SLC4A10: variants seen among roughly 807,000 people sequenced by gnomAD.
SLC4A10 encodes sodium-driven chloride bicarbonate exchanger.
In SLC4A10, 42 loss-of-function variants were observed where a neutral mutation model predicts 137.7. That is an observed-to-expected ratio of 0.30 (90% confidence interval 0.24 to 0.39). SLC4A10 has a LOEUF of 0.39. Ranked by LOEUF, SLC4A10 falls within the 10% of genes least tolerant of loss-of-function variation. The probability of loss-of-function intolerance (pLI) is 1.00; values close to 1 mark genes in which losing one functional copy is unlikely to be tolerated. For synonymous variants in SLC4A10, 474 were observed against 464.1 expected, an observed-to-expected ratio of 1.02 and a Z score of -0.27; for missense variants, 925 against 1,355.0, an observed-to-expected ratio of 0.68 and a Z score of 4.98.
intron 1 of SLC4A10, among the ~76,000 whole-genome samples, chr2:161,655,062 T>C (rs1481864493): frequency 1.3e-5 from 2 of 152,204 alleles, no homozygotes; most frequent in African/African-American, 2.4e-5. Context: ...TTCAATCTTT[T>C]GTAAGTTTCA....
intron 1 of SLC4A10, among the ~76,000 whole-genome samples, chr2:161,751,993 TA>T (rs1293560445): frequency 3.9e-5 from 6 of 152,004 alleles, no homozygotes; most frequent in Admixed American, 3.9e-4. Flanking sequence ...AGGCCTTAGC[TA>T]GTCATACATA....
At chr2:161,836,503 AAAAAG>A (rs1270945811) in intron 3 of SLC4A10, among the ~76,000 whole-genome samples, 18 of 134,336 alleles carry the variant, frequency 1.3e-4, no homozygotes, top group South Asian at 2.2e-4. Context: ...GAAAAGGAAG[AAAAAG>A]AAAGAAAGAA....
chr2:161,873,388 G>A (rs997066160), intron 7 of SLC4A10, among the ~76,000 whole-genome samples: 2 of 151,838 alleles, frequency 1.3e-5, no homozygotes, highest in Non-Finnish European at 2.9e-5. Flanking sequence ...GTTTCTAGCC[G>A]GGTGTGGTGG....
chr2:161,976,543 T>C (rs2105985749), intron 24 of SLC4A10, among the ~76,000 whole-genome samples: 1 of 152,330 alleles, frequency 6.6e-6, no homozygotes, highest in Middle Eastern at 3.4e-3. Flanking sequence ...GTGGTGATGG[T>C]TGCACAACAT....
intron 1 of SLC4A10, among the ~76,000 whole-genome samples, chr2:161,724,606 A>T (rs2046031583): frequency 6.6e-6 from 1 of 152,178 alleles, no homozygotes; most frequent in African/African-American, 2.4e-5. Flanking sequence ...AGCTTCTCTG[A>T]AGTAGTGATT....
chr2:161,831,184 G>T (rs1423529376), intron 3 of SLC4A10, among the ~76,000 whole-genome samples: 2 of 152,126 alleles, frequency 1.3e-5, no homozygotes, highest in Non-Finnish European at 2.9e-5. Context: ...TATTTACACA[G>T]AAATATGACA....
chr2:161,902,771 T>C (rs1197689907), intron 12 of SLC4A10, among the ~76,000 whole-genome samples: 1 of 152,204 alleles, frequency 6.6e-6, no homozygotes, highest in Non-Finnish European at 1.5e-5. Flanking sequence ...TTATTCATAA[T>C]ATGTACATCT....
Position 161,783,390 on chromosome 2 carries a change from G to A in SLC4A10, c.130+12336G>A, listed in dbSNP as rs144307739. ...GAACCTCCTTAACTTGAAATGAAAG[G>A]ACACTAAACAGCAACAAGATAGCAT... On this transcript the variant is annotated intron_variant, in intron 2 of 26. Coordinates refer to ENST00000446997, the MANE Select transcript of SLC4A10 (RefSeq NM_001178015.2). 1.3e-3 allele frequency among the ~76,000 whole-genome samples: 201 copies of A among 151,898 alleles called. 1 individual carries two copies. The highest frequency in any genetic ancestry group is 4.5e-3 in the African/African-American group (188 of 41,478).
intron 2 of SLC4A10, among the ~76,000 whole-genome samples, chr2:161,776,160 C>G (rs1449738479): frequency 1.3e-4 from 19 of 151,934 alleles, no homozygotes; most frequent in Admixed American, 1.2e-3. Context: ...TGTGGCCACA[C>G]TGATGCATAC....
At chr2:161,720,824 C>CTTT (rs375436761) in intron 1 of SLC4A10, among the ~76,000 whole-genome samples, 3 of 145,234 alleles carry the variant, frequency 2.1e-5, no homozygotes, top group Non-Finnish European at 1.5e-5. Context: ...AGTCTTGACT[C>CTTT]TTTTTTTTTT....
intron 2 of SLC4A10, among the ~76,000 whole-genome samples, chr2:161,778,776 A>T (rs1318288973): frequency 6.6e-6 from 1 of 152,002 alleles, no homozygotes; most frequent in African/African-American, 2.4e-5. Context: ...TACTTTAAAA[A>T]AAACTGTATT....
intron 26 of SLC4A10, among the ~76,000 whole-genome samples, chr2:161,980,147 T>A (rs2106013511): frequency 6.6e-6 from 1 of 152,270 alleles, no homozygotes; most frequent in South Asian, 2.1e-4. Flanking sequence ...ATGCCCAAGA[T>A]CAGTGTGTCT....
rs141427773 is a variant in SLC4A10 at position 161,730,413 on chromosome 2, A to T, written c.49-40560A>T. ...TTGTTCACTCATAAAACAATCTATT[A>T]TCTGTCTATTTATCTATTATCTCTC... On this transcript the variant is annotated intron_variant, in intron 1 of 26. Coordinates refer to ENST00000446997, the MANE Select transcript of SLC4A10 (RefSeq NM_001178015.2). 6.0e-3 allele frequency among the ~76,000 whole-genome samples: 909 copies of T among 152,286 alleles called. 3 individuals carry two copies. The highest frequency in any genetic ancestry group is 8.6e-3 in the Non-Finnish European group (587 of 68,008).
chr2:161,865,325 A>G (rs2060675157), intron 6 of SLC4A10, among the ~76,000 whole-genome samples: 1 of 152,076 alleles, frequency 6.6e-6, no homozygotes, highest in Non-Finnish European at 1.5e-5. Flanking sequence ...TATAGTCACA[A>G]GGTTTTCTGA....
chr2:161,720,675 C>T (rs1431663276), intron 1 of SLC4A10, among the ~76,000 whole-genome samples: 1 of 151,988 alleles, frequency 6.6e-6, no homozygotes, highest in Non-Finnish European at 1.5e-5. Context: ...TTTAAAGTCT[C>T]TTTTGTCAGA....
chr2:161,683,748 TATC>T (rs2041108756), intron 1 of SLC4A10, among the ~76,000 whole-genome samples: 1 of 152,188 alleles, frequency 6.6e-6, no homozygotes, highest in South Asian at 2.1e-4. Flanking sequence ...TGTTAAATGT[TATC>T]ATTTTGTAAC....
At chr2:161,706,529 T>G (rs1349071384) in intron 1 of SLC4A10, among the ~76,000 whole-genome samples, 3 of 151,608 alleles carry the variant, frequency 2.0e-5, no homozygotes, top group Non-Finnish European at 4.4e-5. Flanking sequence ...ATCCCCTGAT[T>G]GAAATTATTT....
rs370936935 is a variant in SLC4A10, at chr2:161,949,112, G to T, written c.2266-36G>T. ...TCCTGAGTATTCCTTGATATTTATA[G>T]CTACTTTAAGTGACAAGTGTTTTCA... On this transcript the variant is annotated intron_variant, in intron 17 of 26. Transcript: ENST00000446997. 6 of 1,360,468 alleles carry T rather than the reference G, an allele frequency of 4.4e-6. No homozygotes were observed. In the African/African-American group the frequency reaches 8.7e-5, roughly 20 times the overall value. The allele number at this position is 1,360,468 out of a possible 1,614,324, so 84.3% of individuals were successfully genotyped here. A position where few individuals can be genotyped will look rare whatever the true frequency, so the allele number is the denominator to read the frequency against.
At chr2:161,916,755 TG>T (rs1559528583) in intron 15 of SLC4A10, among the ~76,000 whole-genome samples, 1 of 152,222 alleles carries the variant, frequency 6.6e-6, no homozygotes, top group Non-Finnish European at 1.5e-5. Flanking sequence ...AAATATTTTT[TG>T]GCTTGGAATG....
Sources: allele counts gnomAD v4.1 joint callset (sites outside exome capture counted in the v4.1 genomes callset), GRCh38; gene constraint gnomAD v4.1.1; transcripts MANE v1.5; gene names NCBI Gene and HGNC (gene_info 2026-07-23, HGNC 2026-07-21).